Variants in RCAN2 observed in about 807,000 individuals in gnomAD.
RCAN2 encodes the protein regulator of calcineurin 2.
A neutral mutation model predicts 23.6 loss-of-function variants in RCAN2; 9 were observed. That is an observed-to-expected ratio of 0.38 (90% confidence interval 0.23 to 0.67). The LOEUF is 0.67. RCAN2 is among the 30% of genes least tolerant of loss of function. The pLI, the probability that RCAN2 is intolerant of heterozygous loss-of-function variation, is 0.51. For synonymous variants in RCAN2, 109 were observed against 115.7 expected (o/e 0.94, Z 0.37); for missense variants, 273 against 302.3 (o/e 0.90, Z 0.72).
intron 2 of RCAN2, among the ~76,000 whole-genome samples, chr6:46,345,200 T>G (rs1426590818): frequency 6.6e-6 from 1 of 152,058 alleles, no homozygotes. Context: ...ATCAAGAAAA[T>G]GTAACAAACC....
At chr6:46,434,220 T>C (rs1767300815) in intron 2 of RCAN2, among the ~76,000 whole-genome samples, 1 of 152,220 alleles carries the variant, frequency 6.6e-6, no homozygotes, top group Non-Finnish European at 1.5e-5. Context: ...GTGCTGAGCC[T>C]AACCATCTGG....
At chr6:46,468,869 T>C (rs1280999353) in intron 1 of RCAN2, 1 of 984,950 alleles carries the variant, frequency 1.0e-6, no homozygotes, top group East Asian at 1.1e-4. Flanking sequence ...TCCAGCTGTG[T>C]TAAATCCGGA....
chr6:46,464,965 G>C (rs1483257398), intron 1 of RCAN2, among the ~76,000 whole-genome samples: 2 of 150,864 alleles, frequency 1.3e-5, no homozygotes, highest in African/African-American at 4.9e-5. Context: ...CACTGGATGT[G>C]TACACCTGCA....
intron 2 of RCAN2, among the ~76,000 whole-genome samples, chr6:46,397,372 A>ACACACACACAC (rs1766121682): frequency 1.4e-5 from 2 of 146,240 alleles, no homozygotes; most frequent in South Asian, 4.5e-4. Flanking sequence ...ATTTCACAGA[A>ACACACACACAC]ACACACACAC....
chr6:46,349,867 C>T (rs763631968), intron 2 of RCAN2, among the ~76,000 whole-genome samples: 2 of 152,156 alleles, frequency 1.3e-5, no homozygotes, highest in East Asian at 3.9e-4. Context: ...TCCACCTTTT[C>T]AAAAGCCAAT....
At chr6:46,460,443 A>G (rs547435858) in intron 1 of RCAN2, among the ~76,000 whole-genome samples, 157 of 152,326 alleles carry the variant, frequency 1.0e-3, no homozygotes, top group Middle Eastern at 6.8e-3. Context: ...CAAGATTGAC[A>G]TGTGTTGTCC....
chr6:46,307,735 T>C (rs1763116951), intron 2 of RCAN2, among the ~76,000 whole-genome samples: 1 of 151,806 alleles, frequency 6.6e-6, no homozygotes, highest in South Asian at 2.1e-4. Flanking sequence ...TTGATGAAAA[T>C]AGAGTAAGGA....
intron 2 of RCAN2, among the ~76,000 whole-genome samples, chr6:46,273,858 A>ATT (rs1345893704): frequency 1.3e-5 from 2 of 150,328 alleles, no homozygotes; most frequent in Admixed American, 6.6e-5. Flanking sequence ...AGTGTGGCAG[A>ATT]TTCTTTTTTT....
chr6:46,225,102 G>A (rs1416010895), intron 4 of RCAN2, among the ~76,000 whole-genome samples: 2 of 152,274 alleles, frequency 1.3e-5, no homozygotes, highest in East Asian at 3.9e-4. Flanking sequence ...TCCCTACAAA[G>A]GACATGAACT....
intron 1 of RCAN2, among the ~76,000 whole-genome samples, chr6:46,490,593 C>T (rs1031077232): frequency 1.3e-5 from 2 of 152,100 alleles, no homozygotes; most frequent in East Asian, 1.9e-4. Flanking sequence ...CGGCACACTG[C>T]GCTCCGCTCC....
At chr6:46,450,350 G>A (rs897559332) in intron 2 of RCAN2, among the ~76,000 whole-genome samples, 1 of 152,074 alleles carries the variant, frequency 6.6e-6, no homozygotes, top group Admixed American at 6.6e-5. Flanking sequence ...TAGTGGGAAT[G>A]TACATTGGTA....
chr6:46,334,823 G>A lies in RCAN2; in HGVS notation c.226-85927C>T, dbSNP rs550963180. ...AAGCCACTGTCATTTCTTCTTTGCC[G>A]TACCTTCCTCCCCGGGTCCAAGAGT... On this transcript the variant is annotated intron_variant, in intron 2 of 4. Transcript: ENST00000371374. Among the ~76,000 whole-genome samples the A allele has an allele frequency of 7.2e-4, 110 of 152,172 alleles. No homozygotes were observed. In the Middle Eastern group the frequency reaches 0.017, roughly 24 times the overall value.
At chr6:46,357,972 A>G (rs1367716042) in intron 2 of RCAN2, among the ~76,000 whole-genome samples, 2 of 152,202 alleles carry the variant, frequency 1.3e-5, no homozygotes, top group Non-Finnish European at 1.5e-5. Context: ...CAGAGGATAC[A>G]CTGGCTTAAT....
intron 2 of RCAN2, among the ~76,000 whole-genome samples, chr6:46,296,041 G>T (rs919345926): frequency 6.0e-4 from 91 of 150,986 alleles, no homozygotes; most frequent in African/African-American, 2.1e-3. Context: ...GAGTCACACT[G>T]CCTGGGATTA....
chr6:46,253,454 C>A (rs1766800486), intron 2 of RCAN2, among the ~76,000 whole-genome samples: 1 of 152,144 alleles, frequency 6.6e-6, no homozygotes, highest in East Asian at 1.9e-4. Context: ...GTACCAAGGG[C>A]AGCTTAGGAC....
chr6:46,418,695 G>GTATATATATATATATATATATATA (rs70996369), intron 2 of RCAN2, among the ~76,000 whole-genome samples: 2 of 121,304 alleles, frequency 1.6e-5, no homozygotes, highest in South Asian at 2.9e-4. Flanking sequence ...ATGTGTGTGT[G>GTATATATATATATATATATATATA]TATATATATA....
At chr6:46,373,474 C>A (rs996868186) in intron 2 of RCAN2, among the ~76,000 whole-genome samples, 1 of 152,078 alleles carries the variant, frequency 6.6e-6, no homozygotes, top group Non-Finnish European at 1.5e-5. Flanking sequence ...CCAGGCTGGT[C>A]TCAAACTCCT....
At chr6:46,304,749 G>A (rs1358599586) in intron 2 of RCAN2, among the ~76,000 whole-genome samples, 1 of 152,038 alleles carries the variant, frequency 6.6e-6, no homozygotes, top group Non-Finnish European at 1.5e-5. Context: ...AATTGGGGTA[G>A]GCAGGGGAAT....
In RCAN2 at chr6:46,359,743, G is replaced by A. The variant is rs545197371; in HGVS notation, c.225+97009C>T. On this transcript the variant is annotated intron_variant, in intron 2 of 4. Transcript: ENST00000371374. ...TATAGTAGGGACTGAATGAGTAAAC[G>A]AATATTAACATGTATTAAGCATCAG... Among the ~76,000 whole-genome samples, 11 of 152,168 alleles carry A rather than the reference G, an allele frequency of 7.2e-5. 1 individual carries two copies. In the East Asian group the frequency reaches 1.5e-3, roughly 21 times the overall value.
Sources: allele counts gnomAD v4.1 joint callset (sites outside exome capture counted in the v4.1 genomes callset), GRCh38; gene constraint gnomAD v4.1.1; transcripts MANE v1.5; gene names NCBI Gene and HGNC (gene_info 2026-07-23, HGNC 2026-07-21).